The following NPSR1 variants were observed in gnomAD, a reference collection of about 807,000 sequenced individuals.
NPSR1 encodes neuropeptide S receptor 1, also known as neuropeptide S receptor.
A neutral mutation model predicts 46.9 loss-of-function variants in NPSR1; 48 were observed. The ratio of observed to expected loss-of-function variants is 1.02; its 90% CI spans 0.81 to 1.30. The LOEUF (loss-of-function observed/expected upper bound fraction) is 1.30, where lower values mean the gene tolerates loss of function less well. NPSR1 is among the 50% of genes most tolerant of loss of function. The probability of loss-of-function intolerance (pLI) is 0.00; values close to 1 mark genes in which losing one functional copy is unlikely to be tolerated. For missense variants in NPSR1, 450 were observed against 449.5 expected, an observed-to-expected ratio of 1.00 and a Z score of -0.01; for synonymous variants, 176 against 168.1, an observed-to-expected ratio of 1.05 and a Z score of -0.36.
exon 9 of NPSR1, chr7:34,878,250 C>T (rs1177148049): frequency 3.2e-6 from 3 of 934,520 alleles, no homozygotes; most frequent in African/African-American, 3.3e-5. Context: ...TACCAGGGCA[C>T]AAGGACACCA....
At chr7:34,821,188 G>A (rs560444917) in intron 4 of NPSR1, among the ~76,000 whole-genome samples, 7 of 142,444 alleles carry the variant, frequency 4.9e-5, no homozygotes, top group South Asian at 2.3e-4. Flanking sequence ...GGGCTAGAGC[G>A]CAGTGGCGCG....
intron 4 of NPSR1, among the ~76,000 whole-genome samples, chr7:34,825,702 C>T (rs756267950): frequency 1.3e-5 from 2 of 152,126 alleles, no homozygotes; most frequent in Non-Finnish European, 2.9e-5. Flanking sequence ...CAGAAAAGTT[C>T]CTCAGGGGAC....
At chr7:34,734,192 A>G (rs1031857602) in intron 2 of NPSR1, among the ~76,000 whole-genome samples, 1 of 152,234 alleles carries the variant, frequency 6.6e-6, no homozygotes. Flanking sequence ...TAGATATTAG[A>G]GATGGCTGAA....
At chr7:34,863,756 G>A (rs1350810904) in intron 8 of NPSR1, among the ~76,000 whole-genome samples, 3 of 151,776 alleles carry the variant, frequency 2.0e-5, no homozygotes, top group Non-Finnish European at 2.9e-5. Context: ...AGAGAAATAG[G>A]AACGCTTTTA....
At chr7:34,771,538 A>G (rs1786684811) in intron 2 of NPSR1, among the ~76,000 whole-genome samples, 1 of 152,178 alleles carries the variant, frequency 6.6e-6, no homozygotes, top group Non-Finnish European at 1.5e-5. Context: ...TATAAGTAGA[A>G]GGGGCCAAAA....
intron 2 of NPSR1, among the ~76,000 whole-genome samples, chr7:34,696,572 T>C (rs1326997050): frequency 2.0e-5 from 3 of 151,918 alleles, no homozygotes; most frequent in Non-Finnish European, 4.4e-5. Context: ...AAGCTTACAA[T>C]ACAATAGTTA....
At chr7:34,860,359 T>G (rs754239819) in intron 8 of NPSR1, among the ~76,000 whole-genome samples, 2 of 151,906 alleles carry the variant, frequency 1.3e-5, no homozygotes, top group Non-Finnish European at 2.9e-5. Flanking sequence ...GATATTTACA[T>G]GGATATTTAT....
intron 2 of NPSR1, among the ~76,000 whole-genome samples, chr7:34,739,465 G>A (rs1188922858): frequency 6.6e-6 from 1 of 151,976 alleles, no homozygotes; most frequent in Non-Finnish European, 1.5e-5. Context: ...CTGTGGTTTT[G>A]GTTTGCATTT....
intron 2 of NPSR1, among the ~76,000 whole-genome samples, chr7:34,773,708 G>C (rs1786798862): frequency 6.6e-6 from 1 of 152,168 alleles, no homozygotes; most frequent in South Asian, 2.1e-4. Context: ...CAGGATAATT[G>C]GTAGTCCATT....
Position 34,684,657 on chromosome 7 carries a change from T to C in NPSR1, c.253T>C (p.Phe85Leu). Reference protein sequence around the residue: ...WRRKKKSRMTFFVTQLAITDS... With the variant: ...WRRKKKSRMTLFVTQLAITDS... ...GAGAAAGAAGAAGTCAAGAATGACC[T>C]TCTTTGTGACTCAGCTGGCCATCAC... The change falls in exon 2 of 9, where the codon TTC (phenylalanine) becomes CTC (leucine). Residue 85 changes from phenylalanine (F) to leucine (L), a missense_variant. Physicochemically the swap from Phe to Leu is conservative, Grantham distance 22. Coordinates refer to ENST00000360581, the MANE Select transcript of NPSR1 (RefSeq NM_207172.2). 6.2e-7 allele frequency: 1 copy of C among 1,613,162 alleles called. No homozygotes were observed. Among genetic ancestry groups the C allele is most frequent in the Non-Finnish European group, 8.5e-7 (1 of 1,179,628 alleles).
chr7:34,691,554 G>A (rs931657812), intron 2 of NPSR1, among the ~76,000 whole-genome samples: 2 of 152,062 alleles, frequency 1.3e-5, no homozygotes, highest in Admixed American at 1.3e-4. Context: ...AAGCAAGCAG[G>A]AGTAGCCATT....
intron 2 of NPSR1, among the ~76,000 whole-genome samples, chr7:34,753,206 C>G (rs1364231376): frequency 6.6e-6 from 1 of 152,086 alleles, no homozygotes; most frequent in Non-Finnish European, 1.5e-5. Flanking sequence ...TAGAGGATGA[C>G]TAACATTTGG....
chr7:34,680,333 A>C (rs1221416996), intron 1 of NPSR1, among the ~76,000 whole-genome samples: 1 of 152,218 alleles, frequency 6.6e-6, no homozygotes, highest in African/African-American at 2.4e-5. Context: ...AGTTATTTTT[A>C]TATAAACCAA....
intron 2 of NPSR1, among the ~76,000 whole-genome samples, chr7:34,747,530 C>A (rs1474186755): frequency 1.3e-5 from 2 of 152,206 alleles, no homozygotes; most frequent in African/African-American, 4.8e-5. Flanking sequence ...GATCTGCTGA[C>A]AGCTAAGTGC....
intron 2 of NPSR1, among the ~76,000 whole-genome samples, chr7:34,713,132 A>G (rs191552962): frequency 7.2e-4 from 110 of 152,314 alleles, no homozygotes; most frequent in African/African-American, 2.6e-3. Context: ...CAGAGCGGCT[A>G]CTGTTCTGAT....
At chr7:34,795,941 T>C (rs932765998) in intron 3 of NPSR1, among the ~76,000 whole-genome samples, 2 of 152,102 alleles carry the variant, frequency 1.3e-5, no homozygotes, top group Non-Finnish European at 2.9e-5. Flanking sequence ...TGCAGAATGG[T>C]CAGCATAATA....
chr7:34,687,771 C>A (rs1793012600), intron 2 of NPSR1, among the ~76,000 whole-genome samples: 1 of 152,080 alleles, frequency 6.6e-6, no homozygotes, highest in South Asian at 2.1e-4. Context: ...ATACGCCTAC[C>A]TACAATAATT....
chr7:34,805,514 C>A (rs1584062250), intron 3 of NPSR1, among the ~76,000 whole-genome samples: 1 of 146,598 alleles, frequency 6.8e-6, no homozygotes. Flanking sequence ...TAATGTAGAC[C>A]TTATGCCTTT....
chr7:34,779,685 G>A lies in NPSR1; in HGVS notation c.384+1120G>A, dbSNP rs959271686. 5 of 706,502 alleles carry A rather than the reference G, an allele frequency of 7.1e-6. No individual in the cohort carries two copies. In the South Asian group the frequency reaches 3.6e-4, roughly 50 times the overall value. The allele number at this position is 706,502 out of a possible 1,614,324, so 43.8% of individuals were successfully genotyped here. ...ATGTACGGCTAGTATTTTCTCAGGGGAAATTTTTAAAAACATATTTCAATT... is the reference window on the plus strand; with the variant it reads ...ATGTACGGCTAGTATTTTCTCAGGGAAAATTTTTAAAAACATATTTCAATT... On this transcript the variant is annotated intron_variant, in intron 3 of 8. Coordinates refer to ENST00000360581, the MANE Select transcript of NPSR1 (RefSeq NM_207172.2).
Sources: gnomAD v4.1 joint callset for allele counts (sites outside exome capture counted in the v4.1 genomes callset) on GRCh38, gnomAD v4.1.1 for gene constraint, MANE v1.5 for transcripts, NCBI Gene and HGNC (gene_info 2026-07-23, HGNC 2026-07-21) for gene names.